The following PHTF1 variants were observed in gnomAD, a reference collection of about 807,000 sequenced individuals.
PHTF1 encodes the protein putative homeodomain transcription factor 1.
Under a neutral mutation model 102.4 loss-of-function variants are expected in PHTF1, and 88 were observed. The ratio of observed to expected loss-of-function variants is 0.86; its 90% CI spans 0.72 to 1.03. The LOEUF is 1.03. Ranked by LOEUF, PHTF1 falls within the 50% of genes least tolerant of loss-of-function variation. The pLI is 0.00. For synonymous variants in PHTF1, 289 were observed against 305.2 expected, an observed-to-expected ratio of 0.95 and a Z score of 0.55; for missense variants, 814 against 909.5, an observed-to-expected ratio of 0.89 and a Z score of 1.35.
chr1:113,743,172 ATTTTT>A, intron 3 of PHTF1, among the ~76,000 whole-genome samples: 1 of 152,114 alleles, frequency 6.6e-6, no homozygotes. Context: ...AAGCTTTATA[ATTTTT>A]TTAACTTTTT....
At chr1:113,725,475 A>G (rs1440345684) in intron 6 of PHTF1, 1 of 152,262 alleles carries the variant, frequency 6.6e-6, no homozygotes, top group East Asian at 1.9e-4. Context: ...CACCTAATGG[A>G]AAATTCTTAT....
At chr1:113,741,363 C>T (rs1404767988) in intron 3 of PHTF1, among the ~76,000 whole-genome samples, 1 of 152,172 alleles carries the variant, frequency 6.6e-6, no homozygotes, top group Non-Finnish European at 1.5e-5. Flanking sequence ...TTTGAAGAAA[C>T]ATGTACACTA....
intron 15 of PHTF1, among the ~76,000 whole-genome samples, chr1:113,702,507 TCTTGGAGGC>T (rs1401828188): frequency 6.7e-6 from 1 of 150,272 alleles, no homozygotes; most frequent in African/African-American, 2.4e-5. Context: ...ATCCCAGCAC[TCTTGGAGGC>T]CGAAGCAGGA....
At chr1:113,732,843 T>A (rs75556134) in intron 5 of PHTF1, among the ~76,000 whole-genome samples, 25 of 152,312 alleles carry the variant, frequency 1.6e-4, no homozygotes, top group Non-Finnish European at 2.9e-5. Context: ...AGGAAATTCA[T>A]ATTCAACAAG....
In PHTF1 at chr1:113,724,733, C is replaced by G. The variant is rs572100225; in HGVS notation, c.623+26G>C. On this transcript the variant is annotated intron_variant, in intron 7 of 18. Coordinates refer to ENST00000369604, the MANE Select transcript of PHTF1 (RefSeq NM_001323043.2). Reference sequence around the variant, plus strand: ...ACATTCTGTAAACACTACGTGAATACAAAATCAAGTAAAAAAGACTCCCAC... The same window carrying G: ...ACATTCTGTAAACACTACGTGAATAGAAAATCAAGTAAAAAAGACTCCCAC... 5.7e-6 allele frequency: 9 copies of G among 1,575,774 alleles called. No individual in the cohort carries two copies. In the East Asian group the frequency reaches 1.6e-4, roughly 27 times the overall value.
chr1:113,728,581 C>G (rs745904913), intron 5 of PHTF1, among the ~76,000 whole-genome samples: 2 of 152,162 alleles, frequency 1.3e-5, no homozygotes, highest in Non-Finnish European at 2.9e-5. Context: ...CCATATGATC[C>G]AGCAATCTCA....
chr1:113,735,554 CTT>C (rs1023446163), intron 5 of PHTF1, among the ~76,000 whole-genome samples: 23 of 152,064 alleles, frequency 1.5e-4, no homozygotes, highest in African/African-American at 5.1e-4. Context: ...ATTATGAAGA[CTT>C]AATTTAAATC....
chr1:113,704,824 G>A (rs56275921), intron 13 of PHTF1, 27 bp from the exon 14 acceptor site: 153,470 of 1,484,768 alleles, frequency 0.1, 8,801 homozygotes, highest in South Asian at 0.15. Flanking sequence ...AAAAATCACA[G>A]TGAAATGTAT....
At chr1:113,711,640 G>T in intron 10 of PHTF1, 106 bp downstream of exon 10, 3 of 779,146 alleles carry the variant, frequency 3.9e-6, no homozygotes, top group Non-Finnish European at 4.3e-6. Flanking sequence ...GGGAAGGGCT[G>T]GCAAATATTA....
chr1:113,738,921 G>A (rs1249607415), intron 3 of PHTF1, 122 bp from the exon 4 acceptor site: 4 of 553,798 alleles, frequency 7.2e-6, no homozygotes, highest in South Asian at 2.5e-5. Context: ...GCGTGATCTC[G>A]GCTCACTGCA....
At chr1:113,738,411 T>C (rs527404552) in intron 4 of PHTF1, 143 bp from the exon 5 acceptor site, 1 of 611,588 alleles carries the variant, frequency 1.6e-6, no homozygotes, top group African/African-American at 1.9e-5. Flanking sequence ...CTTAGATGTT[T>C]GTTAAATGTA....
chr1:113,704,282 G>T, intron 14 of PHTF1, 115 bp from the exon 15 acceptor site: 1 of 565,158 alleles, frequency 1.8e-6, no homozygotes, highest in South Asian at 3.4e-5. Flanking sequence ...TTTATAAGAA[G>T]TTTCTGAGAT....
rs774950930 is a variant in PHTF1 at position 113,724,867 on chromosome 1, T to C, written c.515A>G (p.Asp172Gly). The C allele has an allele frequency of 1.2e-6, 2 of 1,604,912 alleles. No homozygotes were observed. The highest frequency in any genetic ancestry group is 2.2e-5 in the East Asian group (1 of 44,658). ...GTTATTTCCATTTTCTCGGCTCCCA[T>C]CACCATTTACAGTTTTTCGTAATTT... ...RRKLRKTVNGDGSRENGNNSS... is the reference protein window; with the variant it reads ...RRKLRKTVNGGGSRENGNNSS... The change falls in exon 7 of 19, where the codon GAT becomes GGT. Residue 172 changes from aspartate (D) to glycine (G), a missense_variant. Coordinates refer to ENST00000369604, the MANE Select transcript of PHTF1 (RefSeq NM_001323043.2).
chr1:113,728,786 G>A (rs747751259), intron 5 of PHTF1, among the ~76,000 whole-genome samples: 19 of 152,190 alleles, frequency 1.2e-4, no homozygotes, highest in Non-Finnish European at 2.4e-4. Context: ...GCAGGCACCT[G>A]TAATCCCAGC....
chr1:113,711,827 T>C lies in PHTF1; in HGVS notation c.966A>G (p.Lys322=), dbSNP rs762351982. Residue 322 remains lysine (K), a synonymous_variant, in exon 10 of 19, where the codon AAA becomes AAG. Coordinates refer to ENST00000369604, the MANE Select transcript of PHTF1 (RefSeq NM_001323043.2). ...CAATATGACACCACCTTGTAGTGGT[T>C]TTCTTTACCTGCCAAAAATCAAACC... ...LSRHLNSQVK[K]TTTRWCHIVR... 2.4e-5 allele frequency: 39 copies of C among 1,613,434 alleles called. No homozygotes were observed. Among genetic ancestry groups the C allele is most frequent in the Non-Finnish European group, 5.1e-6 (6 of 1,179,548 alleles).
chr1:113,704,972 C>T (rs1229241275), intron 13 of PHTF1, among the ~76,000 whole-genome samples, 175 bp from the exon 14 acceptor site: 2 of 152,096 alleles, frequency 1.3e-5, no homozygotes, highest in East Asian at 3.9e-4. Flanking sequence ...CTGTTGTTTC[C>T]AAAGCACATT....
chr1:113,750,101 C>A (rs1011506984), intron 3 of PHTF1, among the ~76,000 whole-genome samples: 5 of 151,868 alleles, frequency 3.3e-5, no homozygotes, highest in Non-Finnish European at 5.9e-5. Flanking sequence ...CTCAGGCGAT[C>A]CCCCCCAACC....
At chr1:113,746,843 C>G (rs989981030) in intron 3 of PHTF1, 8 of 907,916 alleles carry the variant, frequency 8.8e-6, no homozygotes, top group Non-Finnish European at 1.1e-5. Flanking sequence ...ACATTCCAGT[C>G]TCACCCTTCC....
In PHTF1 at chr1:113,748,662, T is replaced by G. The variant is rs139356643; in HGVS notation, c.102+9037A>C. 2.0e-3 allele frequency among the ~76,000 whole-genome samples: 308 copies of G among 152,250 alleles called. 5 individuals carry two copies. Among genetic ancestry groups the G allele is most frequent in the Non-Finnish European group, 2.5e-4 (17 of 68,004 alleles). ...TGATCTCCCACCTCGGCCTCCTAAG[T>G]AGCTGGGACTACAGGCATGCAACGC... On this transcript the variant is annotated intron_variant, in intron 3 of 18. Transcript: ENST00000369604.
Sources: gnomAD v4.1 joint callset for allele counts (sites outside exome capture counted in the v4.1 genomes callset) on GRCh38, gnomAD v4.1.1 for gene constraint, MANE v1.5 for transcripts, NCBI Gene and HGNC (gene_info 2026-07-23, HGNC 2026-07-21) for gene names.